The following KCTD8 variants were observed in gnomAD, a reference collection of about 807,000 sequenced individuals.
KCTD8 encodes potassium channel tetramerization domain containing 8, also known as BTB/POZ domain-containing protein KCTD8.
Under a neutral mutation model 31.5 loss-of-function variants are expected in KCTD8, and 27 were observed. The ratio of observed to expected loss-of-function variants is 0.86; its 90% CI spans 0.63 to 1.18. The LOEUF (loss-of-function observed/expected upper bound fraction) is 1.18, where lower values mean the gene tolerates loss of function less well. KCTD8 is among the 50% of genes most tolerant of loss of function. The probability of loss-of-function intolerance (pLI) is 0.00; values close to 1 mark genes in which losing one functional copy is unlikely to be tolerated. For missense variants in KCTD8, 658 were observed against 647.7 expected (o/e 1.02, Z -0.17); for synonymous variants, 290 against 280.0 (o/e 1.04, Z -0.36).
At chr4:44,396,752 T>C (rs764812242) in intron 1 of KCTD8, among the ~76,000 whole-genome samples, 3 of 152,096 alleles carry the variant, frequency 2.0e-5, no homozygotes, top group Non-Finnish European at 4.4e-5. Context: ...AACCACCTTC[T>C]TAGTGTGCAG....
intron 1 of KCTD8, among the ~76,000 whole-genome samples, chr4:44,207,662 T>C (rs749591229): frequency 5.3e-5 from 8 of 152,202 alleles, no homozygotes; most frequent in Non-Finnish European, 8.8e-5. Flanking sequence ...TATGTAAAGT[T>C]AAATGTATTT....
chr4:44,264,726 G>A (rs1189359123), intron 1 of KCTD8, among the ~76,000 whole-genome samples: 1 of 152,168 alleles, frequency 6.6e-6, no homozygotes, highest in Non-Finnish European at 1.5e-5. Flanking sequence ...GGCACACCAG[G>A]AGATTATATC....
At chr4:44,355,591 G>T (rs1719322016) in intron 1 of KCTD8, among the ~76,000 whole-genome samples, 1 of 152,064 alleles carries the variant, frequency 6.6e-6, no homozygotes, top group Admixed American at 6.6e-5. Context: ...CATGAATTTT[G>T]TAATATGTTT....
intron 1 of KCTD8, among the ~76,000 whole-genome samples, chr4:44,238,774 A>G (rs184402262): frequency 6.6e-6 from 1 of 152,280 alleles, no homozygotes; most frequent in East Asian, 1.9e-4. Context: ...GTGGTTCAAT[A>G]TACTTATTTC....
At chr4:44,241,419 G>A (rs1369328815) in intron 1 of KCTD8, among the ~76,000 whole-genome samples, 4 of 152,164 alleles carry the variant, frequency 2.6e-5, no homozygotes, top group African/African-American at 4.8e-5. Flanking sequence ...ACGCACATTC[G>A]TTCAGACCTC....
intron 1 of KCTD8, among the ~76,000 whole-genome samples, chr4:44,308,322 A>C (rs1717862243): frequency 6.6e-6 from 1 of 151,774 alleles, no homozygotes; most frequent in Non-Finnish European, 1.5e-5. Context: ...AGTAAAGATT[A>C]AATTACAATG....
intron 1 of KCTD8, among the ~76,000 whole-genome samples, chr4:44,337,015 G>T (rs553507018): frequency 6.6e-6 from 1 of 152,154 alleles, no homozygotes; most frequent in South Asian, 2.1e-4. Flanking sequence ...GAGTAAATAT[G>T]TCTAAAAGGG....
chr4:44,219,847 C>T (rs1714757755), intron 1 of KCTD8, among the ~76,000 whole-genome samples: 2 of 152,134 alleles, frequency 1.3e-5, no homozygotes, highest in South Asian at 4.1e-4. Context: ...GTTCCAATGA[C>T]TGACCTGTAT....
At chr4:44,341,106 A>G (rs1194672684) in intron 1 of KCTD8, among the ~76,000 whole-genome samples, 4 of 152,222 alleles carry the variant, frequency 2.6e-5, no homozygotes, top group Admixed American at 2.6e-4. Context: ...TTGGTTTCCC[A>G]GAAGCATATT....
chr4:44,409,958 C>T (rs1720913717), intron 1 of KCTD8, among the ~76,000 whole-genome samples: 1 of 152,052 alleles, frequency 6.6e-6, no homozygotes, highest in Non-Finnish European at 1.5e-5. Context: ...GTTTCCTCAG[C>T]CTTACATATT....
In KCTD8 at chr4:44,364,962, G is replaced by A. The variant is rs375200815; in HGVS notation, c.961+82601C>T. Reference sequence around the variant, plus strand: ...GAGCACAGGATATTTTTAGAGCTAAGAAACTATTCTGTATGAAACTGTAAT... The same window carrying A: ...GAGCACAGGATATTTTTAGAGCTAAAAAACTATTCTGTATGAAACTGTAAT... On this transcript the variant is annotated intron_variant, in intron 1 of 1. Coordinates refer to ENST00000360029, the MANE Select transcript of KCTD8 (RefSeq NM_198353.3). Among the ~76,000 whole-genome samples, 5 of 152,034 alleles carry A rather than the reference G, an allele frequency of 3.3e-5. No homozygotes were observed. In the East Asian group the frequency reaches 7.7e-4, roughly 24 times the overall value.
chr4:44,384,470 G>T (rs1313777038), intron 1 of KCTD8, among the ~76,000 whole-genome samples: 1 of 151,822 alleles, frequency 6.6e-6, no homozygotes, highest in East Asian at 1.9e-4. Context: ...ATGAAATCCT[G>T]TTATTTGCAG....
intron 1 of KCTD8, among the ~76,000 whole-genome samples, chr4:44,352,661 GA>G (rs963231879): frequency 2.1e-4 from 31 of 151,102 alleles, no homozygotes; most frequent in African/African-American, 7.3e-4. Flanking sequence ...TATGAGAAAA[GA>G]AAGTATTATA....
At chr4:44,402,251 G>T (rs533659281) in intron 1 of KCTD8, among the ~76,000 whole-genome samples, 4 of 152,074 alleles carry the variant, frequency 2.6e-5, no homozygotes, top group South Asian at 2.1e-4. Context: ...TGAATTTAAG[G>T]CTTTCAACTT....
intron 1 of KCTD8, among the ~76,000 whole-genome samples, chr4:44,192,785 T>G (rs1202992532): frequency 6.6e-6 from 1 of 152,152 alleles, no homozygotes; most frequent in Non-Finnish European, 1.5e-5. Context: ...ACAATCCAGG[T>G]GGGCATCATC....
intron 1 of KCTD8, among the ~76,000 whole-genome samples, chr4:44,282,220 T>G (rs992333144): frequency 6.6e-6 from 1 of 152,062 alleles, no homozygotes; most frequent in Non-Finnish European, 1.5e-5. Context: ...ACATCCTCAC[T>G]TTGTGTCTCT....
rs1464477965 is a variant in KCTD8 at position 44,448,769 on chromosome 4, G to A, written c.-246C>T. The A allele has an allele frequency of 2.7e-6, 1 of 369,260 alleles. No individual in the cohort carries two copies. Among genetic ancestry groups the A allele is most frequent in the Non-Finnish European group, 4.8e-6 (1 of 208,990 alleles). 22.9% of individuals were successfully genotyped at this position (369,260 alleles called of 1,614,324 possible). On this transcript the variant is annotated 5_prime_UTR_variant, in exon 1 of 2. Transcript: ENST00000360029. This position sits in a 1 kb window ranked among gnomAD's most constrained non-coding sequence, Gnocchi z 4.1. ...TGCGGCGGCGGCAATGGAGAGGCAA[G>A]AAGGAGCTGCTGCTCCTTTGGGGCG...
chr4:44,374,705 T>TG (rs746203794), intron 1 of KCTD8, among the ~76,000 whole-genome samples: 4 of 151,942 alleles, frequency 2.6e-5, no homozygotes, highest in Non-Finnish European at 4.4e-5. Flanking sequence ...GTGAGAGATG[T>TG]GGGGGGAGGC....
At chr4:44,401,011 CTTTTT>C (rs59602420) in intron 1 of KCTD8, among the ~76,000 whole-genome samples, 8 of 95,916 alleles carry the variant, frequency 8.3e-5, no homozygotes, top group African/African-American at 3.2e-4. Context: ...AATTTTCTTT[CTTTTT>C]TTTTTTTTTT....
Sources: gnomAD v4.1 joint callset for allele counts (sites outside exome capture counted in the v4.1 genomes callset) on GRCh38, gnomAD v4.1.1 for gene constraint, Gnocchi (gnomAD v3.1) non-coding constraint, MANE v1.5 for transcripts, NCBI Gene and HGNC (gene_info 2026-07-23, HGNC 2026-07-21) for gene names.